The following ME3 variants were observed in gnomAD, a reference collection of about 807,000 sequenced individuals.
ME3 encodes malic enzyme 3.
ME3 carries 48 observed loss-of-function variants against 68.9 expected under a neutral mutation model. That is an observed-to-expected ratio of 0.70 (90% CI 0.55 to 0.89). ME3 has a LOEUF of 0.89. ME3 is among the 40% of genes least tolerant of loss of function. ME3 has a pLI of 0.00. For missense variants in ME3, 675 were observed against 797.4 expected, an observed-to-expected ratio of 0.85 and a Z score of 1.85; for synonymous variants, 320 against 318.8, an observed-to-expected ratio of 1.00 and a Z score of -0.04.
intron 4 of ME3, among the ~76,000 whole-genome samples, chr11:86,548,803 G>C (rs1013933452): frequency 3.3e-5 from 5 of 152,134 alleles, no homozygotes; most frequent in African/African-American, 9.7e-5. Flanking sequence ...CACGCTACTA[G>C]TTCATGACAG....
chr11:86,580,913 G>A (rs929203657), intron 2 of ME3, among the ~76,000 whole-genome samples: 1 of 152,098 alleles, frequency 6.6e-6, no homozygotes, highest in Non-Finnish European at 1.5e-5. Context: ...TTTCCTGGTC[G>A]GCCTTATCCC....
intron 2 of ME3, among the ~76,000 whole-genome samples, chr11:86,645,941 C>G (rs1944982633): frequency 6.6e-6 from 1 of 152,214 alleles, no homozygotes; most frequent in Admixed American, 6.5e-5. Flanking sequence ...CAAACTCCAG[C>G]AGACCTGCAG....
chr11:86,535,517 T>C (rs1343346797), intron 4 of ME3, among the ~76,000 whole-genome samples: 1 of 152,226 alleles, frequency 6.6e-6, no homozygotes, highest in Non-Finnish European at 1.5e-5. Context: ...AGGCTGGATT[T>C]GGGGATAAAG....
intron 5 of ME3, among the ~76,000 whole-genome samples, chr11:86,503,329 A>G (rs1952849126): frequency 6.6e-6 from 1 of 152,208 alleles, no homozygotes; most frequent in African/African-American, 2.4e-5. Context: ...TCCCAGCTGT[A>G]TCCTCAGATA....
chr11:86,450,388 G>A (rs546422979), exon 9 of ME3: 17 of 1,613,804 alleles, frequency 1.1e-5, no homozygotes, highest in South Asian at 2.2e-5. Flanking sequence ...CCACAGCAAC[G>A]GAGGCTGTGC....
intron 4 of ME3, among the ~76,000 whole-genome samples, chr11:86,535,773 A>G (rs1367565369): frequency 1.3e-5 from 2 of 152,224 alleles, no homozygotes; most frequent in African/African-American, 4.8e-5. Context: ...AAACAAAGTT[A>G]TAGAGTTAGA....
At chr11:86,651,763 G>T (rs1270224592) in intron 2 of ME3, among the ~76,000 whole-genome samples, 1 of 152,244 alleles carries the variant, frequency 6.6e-6, no homozygotes, top group Admixed American at 6.5e-5. Flanking sequence ...TTGATGAGAT[G>T]AGAGGAGAAG....
intron 7 of ME3, among the ~76,000 whole-genome samples, chr11:86,478,062 A>C (rs1951183156): frequency 1.3e-5 from 2 of 152,124 alleles, no homozygotes; most frequent in Admixed American, 6.5e-5. Flanking sequence ...TCAGATTCAT[A>C]GCCTTCAGTC....
intron 3 of ME3, among the ~76,000 whole-genome samples, 167 bp from the exon 4 acceptor site, chr11:86,556,869 T>A (rs1414890963): frequency 6.6e-6 from 1 of 152,252 alleles, no homozygotes; most frequent in Non-Finnish European, 1.5e-5. Flanking sequence ...AATGTGAAGA[T>A]GACCTGCTTG....
chr11:86,509,034 C>A (rs1953301746), intron 4 of ME3, among the ~76,000 whole-genome samples, 167 bp from the exon 5 acceptor site: 1 of 152,224 alleles, frequency 6.6e-6, no homozygotes, highest in Non-Finnish European at 1.5e-5. Flanking sequence ...CTCTGGCTTT[C>A]TTCCAATTGC....
chr11:86,473,776 T>C (rs1950910500), intron 7 of ME3, among the ~76,000 whole-genome samples: 1 of 152,096 alleles, frequency 6.6e-6, no homozygotes, highest in Non-Finnish European at 1.5e-5. Flanking sequence ...ATCTATACCA[T>C]GGGTGAAAAA....
chr11:86,474,215 G>C (rs1950936420), intron 7 of ME3, among the ~76,000 whole-genome samples: 1 of 152,172 alleles, frequency 6.6e-6, no homozygotes, highest in Non-Finnish European at 1.5e-5. Context: ...CTGGCCTAAG[G>C]GGGAAAACTC....
intron 2 of ME3, among the ~76,000 whole-genome samples, chr11:86,658,432 T>G (rs1946061765): frequency 6.6e-6 from 1 of 151,914 alleles, no homozygotes; most frequent in South Asian, 2.1e-4. Context: ...CTGCAATTTT[T>G]CCTCTGCTTG....
chr11:86,521,443 TAATAATAATAAA>T lies in ME3; in HGVS notation c.468-12588_468-12577del, dbSNP rs1342593241. ...CAAAACAAAACAAAAATAATAATAA[TAATAATAATAAA>T]AAAATGGAGCTGTAATCATTAAATC... On this transcript the variant is annotated intron_variant, in intron 4 of 14. Coordinates refer to ENST00000543262, the Ensembl canonical transcript of ME3. Among the ~76,000 whole-genome samples the T allele has an allele frequency of 2.4e-3, 352 of 148,962 alleles. 2 individuals are homozygous for T. Among genetic ancestry groups the T allele is most frequent in the African/African-American group, 7.7e-3 (305 of 39,718 alleles).
At chr11:86,553,642 G>A (rs181571391) in intron 4 of ME3, among the ~76,000 whole-genome samples, 11 of 152,304 alleles carry the variant, frequency 7.2e-5, no homozygotes, top group African/African-American at 2.4e-4. Flanking sequence ...CAACGTATTC[G>A]AGAAGTCTGA....
At chr11:86,568,527 T>C (rs947977527) in intron 2 of ME3, among the ~76,000 whole-genome samples, 3 of 152,228 alleles carry the variant, frequency 2.0e-5, no homozygotes, top group Non-Finnish European at 4.4e-5. Flanking sequence ...GAACTCTATT[T>C]ACCCATGGGC....
intron 7 of ME3, among the ~76,000 whole-genome samples, chr11:86,485,926 G>A (rs769615011): frequency 1.3e-5 from 2 of 152,202 alleles, no homozygotes; most frequent in African/African-American, 4.8e-5. Flanking sequence ...GGGGCCCAGA[G>A]AGCTGCCCAG....
chr11:86,643,940 C>G (rs967074010), intron 2 of ME3, among the ~76,000 whole-genome samples: 1 of 152,190 alleles, frequency 6.6e-6, no homozygotes, highest in Non-Finnish European at 1.5e-5. Context: ...GGTAATAACA[C>G]CTGCCTCACA....
intron 4 of ME3, among the ~76,000 whole-genome samples, chr11:86,523,555 CCT>C (rs1296828153): frequency 2.0e-5 from 3 of 152,024 alleles, no homozygotes; most frequent in Admixed American, 2.0e-4. Context: ...ATTGCTCTAT[CCT>C]CTTTTTTGAT....
Sources: allele counts gnomAD v4.1 joint callset (sites outside exome capture counted in the v4.1 genomes callset), GRCh38; gene constraint gnomAD v4.1.1; transcripts MANE v1.5; gene names NCBI Gene and HGNC (gene_info 2026-07-23, HGNC 2026-07-21).